Variants in CBX1 observed in about 807,000 individuals in gnomAD.
CBX1 encodes chromobox protein homolog 1.
A neutral mutation model predicts 25.1 loss-of-function variants in CBX1; 10 were observed. The observed-to-expected ratio is 0.40, with a 90% CI of 0.25 to 0.68. CBX1 has a LOEUF of 0.68. CBX1 is among the 30% of genes least tolerant of loss of function. The pLI is 0.40. For missense variants in CBX1, 106 were observed against 218.5 expected (o/e 0.49, Z 3.25); for synonymous variants, 63 against 79.4 (o/e 0.79, Z 1.10).
intron 1 of CBX1, chr17:48,096,393 A>G: frequency 1.1e-5 from 11 of 984,334 alleles, no homozygotes; most frequent in Non-Finnish European, 1.3e-5. Flanking sequence ...AGATACCTCA[A>G]GCTATCTTTC....
At chr17:48,090,563 G>A (rs4794427) in intron 1 of CBX1, among the ~76,000 whole-genome samples, 127,473 of 152,128 alleles carry the variant, frequency 0.84, 53,476 homozygotes, top group East Asian at 0.95. Flanking sequence ...CTTGCAATGG[G>A]TAACTCCTGA....
At chr17:48,075,353 T>TC (rs146011627) in intron 3 of CBX1, among the ~76,000 whole-genome samples, 41,164 of 151,654 alleles carry the variant, frequency 0.27, 6,254 homozygotes, top group African/African-American at 0.42. Context: ...TGCCACCACG[T>TC]CAGCTAATTT....
chr17:48,080,977 TATATATATATATATATAA>T (rs773707279), intron 1 of CBX1, among the ~76,000 whole-genome samples: 2,231 of 78,210 alleles, frequency 0.029, 79 homozygotes, highest in African/African-American at 0.083. Flanking sequence ...TATATATATA[TATATATATATATATATAA>T]AATTTGTCTT....
At chr17:48,094,675 A>C (rs1211765718) in intron 1 of CBX1, among the ~76,000 whole-genome samples, 2 of 151,088 alleles carry the variant, frequency 1.3e-5, no homozygotes, top group Non-Finnish European at 3.0e-5. Context: ...GTTAGGATGC[A>C]GTGAGCTGAG....
At chr17:48,087,825 T>G (rs2063321162) in intron 1 of CBX1, among the ~76,000 whole-genome samples, 1 of 148,380 alleles carries the variant, frequency 6.7e-6, no homozygotes, top group Non-Finnish European at 1.5e-5. Context: ...TGAGCTGAGA[T>G]TGTACCACTG....
At position 48,080,878 on chromosome 17, in the gene CBX1, G is replaced by A. The variant is rs566110108; in HGVS notation, c.-37-3837C>T. The stretch of plus-strand genomic sequence containing the variant: ...GGAGGTTGCAGTGAGCCGAGATCGC[G>A]CCACTGCACTCCAGCCTGGTGACAG... On this transcript the variant is annotated intron_variant, in intron 1 of 4. Coordinates refer to ENST00000225603, the MANE Select transcript of CBX1 (RefSeq NM_001127228.2). 1.0e-4 allele frequency among the ~76,000 whole-genome samples: 12 copies of A among 117,526 alleles called. No individual in the cohort carries two copies. In the East Asian group the frequency reaches 2.9e-3, roughly 29 times the overall value. The allele number at this position is 117,526 out of a possible 152,430, so 77.1% of individuals were successfully genotyped here. A position where few individuals can be genotyped will look rare whatever the true frequency, so the allele number is the denominator to read the frequency against.
chr17:48,094,704 A>G (rs2063363107), intron 1 of CBX1, among the ~76,000 whole-genome samples: 1 of 151,386 alleles, frequency 6.6e-6, no homozygotes, highest in Non-Finnish European at 1.5e-5. Context: ...ACTGCACTCC[A>G]GCCTGGGTGA....
At chr17:48,083,245 A>T (rs1434175112) in intron 1 of CBX1, among the ~76,000 whole-genome samples, 1 of 149,538 alleles carries the variant, frequency 6.7e-6, no homozygotes, top group African/African-American at 2.5e-5. Flanking sequence ...CCTGGACTCC[A>T]GTGATCCTCC....
chr17:48,082,299 G>A (rs1438946155), intron 1 of CBX1, among the ~76,000 whole-genome samples: 2 of 151,748 alleles, frequency 1.3e-5, no homozygotes, highest in South Asian at 2.1e-4. Flanking sequence ...TCAGGAGATC[G>A]AGCCCATCCT....
At position 48,076,013 on chromosome 17, in the gene CBX1, C is replaced by A; in HGVS notation, c.306G>T (p.Lys102Asn). ...CTTCTATTCTTACCTCTTCTTTCTT[C>A]TTCTTTGGTTTGCTCTCCTCTCCCT... ...EDKGEESKPK[K>N]KKEESEKPRG... Residue 102 changes from lysine to asparagine, a missense_variant, in exon 3 of 5, where the codon AAG (lysine) becomes AAT (asparagine). Lys to Asn is a moderately conservative substitution (Grantham distance 94). Around this residue, in one of 4 missense-constraint regions of CBX1, gnomAD observed 71 missense variants for 144.1 expected, o/e 0.49. Transcript: ENST00000225603. The A allele has an allele frequency of 6.2e-7, 1 of 1,601,516 alleles. No homozygotes were observed. Among genetic ancestry groups the A allele is most frequent in the Non-Finnish European group, 8.5e-7 (1 of 1,171,370 alleles).
chr17:48,096,810 G>A lies in CBX1; in HGVS notation c.-38+4458C>T, dbSNP rs535160789. ...AAAGAAAAACAAAAACCACCACAGTGGGCCAGGTGCAGTGGCTCATGTCTG... is the reference window on the plus strand; with the variant it reads ...AAAGAAAAACAAAAACCACCACAGTAGGCCAGGTGCAGTGGCTCATGTCTG... On this transcript the variant is annotated intron_variant, in intron 1 of 4. Coordinates refer to ENST00000225603, the MANE Select transcript of CBX1 (RefSeq NM_001127228.2). Among the ~76,000 whole-genome samples, 15 of 152,058 alleles carry A rather than the reference G, an allele frequency of 9.9e-5. No individual in the cohort carries two copies. The East Asian group carries it at 2.9e-3, about 29-fold the overall frequency.
intron 1 of CBX1, among the ~76,000 whole-genome samples, chr17:48,078,121 A>C (rs754069258): frequency 2.0e-5 from 3 of 152,014 alleles, no homozygotes; most frequent in Non-Finnish European, 4.4e-5. Flanking sequence ...ATATCAATAA[A>C]ACTTACATAT....
At chr17:48,086,727 C>A (rs531538775) in intron 1 of CBX1, among the ~76,000 whole-genome samples, 1 of 151,280 alleles carries the variant, frequency 6.6e-6, no homozygotes, top group East Asian at 2.0e-4. Context: ...CGTGGTCGTG[C>A]ACATCTGTAA....
At chr17:48,086,547 A>C (rs1182217145) in intron 1 of CBX1, among the ~76,000 whole-genome samples, 1 of 152,214 alleles carries the variant, frequency 6.6e-6, no homozygotes, top group Non-Finnish European at 1.5e-5. Context: ...CTAAATGCCA[A>C]GGTGAGGCAT....
At chr17:48,101,166 C>A in intron 1 of CBX1, 102 bp downstream of exon 1, 2 of 987,176 alleles carry the variant, frequency 2.0e-6, no homozygotes, top group Non-Finnish European at 2.4e-6. Context: ...GCTCCCCGCT[C>A]CTAACCTCCG....
chr17:48,070,353 G>GAATC lies in CBX1; in HGVS notation c.*1081_*1082insGATT, dbSNP rs2037613870. 1 of 152,594 alleles carries GAATC rather than the reference G, an allele frequency of 6.6e-6. No homozygotes were observed. Among genetic ancestry groups the GAATC allele is most frequent in the African/African-American group, 2.4e-5 (1 of 41,420 alleles). 9.5% of individuals were successfully genotyped at this position (152,594 alleles called of 1,614,324 possible). A position where few individuals can be genotyped will look rare whatever the true frequency, so the allele number is the denominator to read the frequency against. ...ATCTTCTCCTGAGACCAAGGCTTTTGAAATCACTAAACTCTTGGATCAATT... is the reference window on the plus strand; with the variant it reads ...ATCTTCTCCTGAGACCAAGGCTTTTGAATCAAATCACTAAACTCTTGGATCAATT... On this transcript the variant is annotated 3_prime_UTR_variant, in exon 5 of 5. Coordinates refer to ENST00000225603, the MANE Select transcript of CBX1 (RefSeq NM_001127228.2).
At chr17:48,077,308 T>G (rs2037683925) in intron 1 of CBX1, among the ~76,000 whole-genome samples, 1 of 150,616 alleles carries the variant, frequency 6.6e-6, no homozygotes, top group Non-Finnish European at 1.5e-5. Context: ...CAGGCTGGAG[T>G]GCAAAGTGGC....
At chr17:48,096,701 G>A (rs2063377108) in intron 1 of CBX1, among the ~76,000 whole-genome samples, 1 of 152,066 alleles carries the variant, frequency 6.6e-6, no homozygotes, top group African/African-American at 2.4e-5. Flanking sequence ...CTTGAACCCG[G>A]GAGGTGGAAG....
At chr17:48,092,209 C>T (rs1287722981) in intron 1 of CBX1, among the ~76,000 whole-genome samples, 6 of 151,528 alleles carry the variant, frequency 4.0e-5, no homozygotes, top group Non-Finnish European at 7.4e-5. Flanking sequence ...AGGCTGGTCT[C>T]GAACTCCTGA....
Sources: gnomAD v4.1 joint callset for allele counts (sites outside exome capture counted in the v4.1 genomes callset) on GRCh38, gnomAD v4.1.1 for gene constraint, gnomAD v4.1.1 regional missense constraint, MANE v1.5 for transcripts, NCBI Gene and HGNC (gene_info 2026-07-23, HGNC 2026-07-21) for gene names.